The following SULT4A1 variants were observed in gnomAD, a reference collection of about 807,000 sequenced individuals.
SULT4A1 encodes sulfotransferase family 4A member 1, also known as sulfotransferase 4A1.
Under a neutral mutation model 35.2 loss-of-function variants are expected in SULT4A1, and 11 were observed. The ratio of observed to expected loss-of-function variants is 0.31; its 90% CI spans 0.20 to 0.52. The LOEUF is 0.52. Ranked by LOEUF, SULT4A1 falls within the 20% of genes least tolerant of loss-of-function variation. The pLI is 0.97. For synonymous variants in SULT4A1, 152 were observed against 151.8 expected (o/e 1.00, Z -0.01); for missense variants, 271 against 383.7 (o/e 0.71, Z 2.45).
chr22:43,851,836 T>C (rs999775469), intron 1 of SULT4A1, among the ~76,000 whole-genome samples: 6 of 152,204 alleles, frequency 3.9e-5, no homozygotes, highest in Non-Finnish European at 5.9e-5. Context: ...CCCAGTGTCA[T>C]GGACACCACC....
intron 1 of SULT4A1, 116 bp downstream of exon 1, chr22:43,862,098 G>C: frequency 2.8e-6 from 2 of 709,640 alleles, no homozygotes; most frequent in South Asian, 1.2e-4. Flanking sequence ...GGCAGGGGCG[G>C]AGGCCAAGGG....
intron 1 of SULT4A1, among the ~76,000 whole-genome samples, chr22:43,858,049 CAAAAA>C (rs11362056): frequency 2.2e-5 from 2 of 91,766 alleles, no homozygotes; most frequent in Admixed American, 1.3e-4. Flanking sequence ...GATCCTGTCT[CAAAAA>C]AAAAAAAAAA....
At chr22:43,832,470 G>A (rs933883947) in intron 5 of SULT4A1, among the ~76,000 whole-genome samples, 3 of 152,126 alleles carry the variant, frequency 2.0e-5, no homozygotes, top group African/African-American at 4.8e-5. Context: ...ACGCTCCTGC[G>A]AAGGCCGACC....
intron 1 of SULT4A1, among the ~76,000 whole-genome samples, chr22:43,860,379 G>A (rs2049452242): frequency 1.3e-5 from 2 of 152,208 alleles, no homozygotes; most frequent in African/African-American, 4.8e-5. Flanking sequence ...AGGTGTTCAG[G>A]GCTTAAAAGT....
chr22:43,847,838 C>A (rs2063486507), intron 1 of SULT4A1, among the ~76,000 whole-genome samples: 1 of 152,264 alleles, frequency 6.6e-6, no homozygotes, highest in Non-Finnish European at 1.5e-5. Flanking sequence ...GGGAACTGGT[C>A]TTAGTCACTG....
At chr22:43,859,887 G>A (rs540680612) in intron 1 of SULT4A1, among the ~76,000 whole-genome samples, 13 of 152,330 alleles carry the variant, frequency 8.5e-5, no homozygotes, top group African/African-American at 2.6e-4. Context: ...GTAAGCAGCC[G>A]CCTGTGGGCA....
At chr22:43,829,879 G>A (rs1313010664) in intron 5 of SULT4A1, among the ~76,000 whole-genome samples, 1 of 152,204 alleles carries the variant, frequency 6.6e-6, no homozygotes, top group Admixed American at 6.5e-5. Flanking sequence ...GCTGGAGGCT[G>A]TTTCCTCTCT....
chr22:43,850,264 G>A (rs945910214), intron 1 of SULT4A1, among the ~76,000 whole-genome samples: 4 of 152,190 alleles, frequency 2.6e-5, no homozygotes, highest in African/African-American at 4.8e-5. Flanking sequence ...CATTTTAGAT[G>A]GGCTAATGAT....
intron 1 of SULT4A1, among the ~76,000 whole-genome samples, chr22:43,855,982 A>T (rs766912430): frequency 2.0e-5 from 3 of 152,200 alleles, no homozygotes; most frequent in Admixed American, 6.5e-5. Flanking sequence ...TGCTGGTAAA[A>T]GCCAAGGGTG....
intron 1 of SULT4A1, among the ~76,000 whole-genome samples, chr22:43,851,647 C>T (rs1372511389): frequency 6.6e-6 from 1 of 152,188 alleles, no homozygotes; most frequent in African/African-American, 2.4e-5. Flanking sequence ...TCACAGGCAT[C>T]CTGAGAGCTG....
intron 1 of SULT4A1, among the ~76,000 whole-genome samples, chr22:43,850,417 T>C (rs1310599699): frequency 1.3e-5 from 2 of 152,222 alleles, no homozygotes; most frequent in African/African-American, 2.4e-5. Flanking sequence ...AGTGATTACA[T>C]TTCCTCTTCT....
rs563288910 is a variant in SULT4A1 at position 43,836,314 on chromosome 22, G to A, written c.508+2553C>T. Among the ~76,000 whole-genome samples the A allele has an allele frequency of 1.2e-4, 16 of 136,156 alleles. 1 individual carries two copies. Among genetic ancestry groups the A allele is most frequent in the Non-Finnish European group, 2.5e-4 (16 of 64,084 alleles). 89.3% of individuals were successfully genotyped at this position (136,156 alleles called of 152,430 possible). A position where few individuals can be genotyped will look rare whatever the true frequency, so the allele number is the denominator to read the frequency against. On this transcript the variant is annotated intron_variant, in intron 4 of 6. Transcript: ENST00000330884. ...GCCACAGGGACCCTGTCTACACAGC[G>A]TCCTCACACTGCAGGTGCCACAGGG...
At chr22:43,859,414 G>C (rs1393581081) in intron 1 of SULT4A1, among the ~76,000 whole-genome samples, 2 of 152,254 alleles carry the variant, frequency 1.3e-5, no homozygotes, top group Admixed American at 1.3e-4. Context: ...ACTCAGGGCA[G>C]TGGGTGCTCT....
At position 43,836,593 on chromosome 22, in the gene SULT4A1, C is replaced by G. The variant is rs2019157; in HGVS notation, c.508+2274G>C. On this transcript the variant is annotated intron_variant, in intron 4 of 6. Coordinates refer to ENST00000330884, the MANE Select transcript of SULT4A1 (RefSeq NM_014351.4). Reference sequence around the variant, plus strand: ...CCTCCAACTGCAGGTGCCACAGGGACCCTGTCTACACAGCGTCCTCACACT... The same window carrying G: ...CCTCCAACTGCAGGTGCCACAGGGAGCCTGTCTACACAGCGTCCTCACACT... Among the ~76,000 whole-genome samples the G allele has an allele frequency of 3.1e-3, 236 of 77,268 alleles. 5 individuals carry two copies. Among genetic ancestry groups the G allele is most frequent in the African/African-American group, 6.0e-3 (84 of 14,012 alleles). 50.7% of individuals were successfully genotyped at this position (77,268 alleles called of 152,430 possible).
At chr22:43,828,557 C>T (rs1016468621) in intron 6 of SULT4A1, among the ~76,000 whole-genome samples, 18 of 152,238 alleles carry the variant, frequency 1.2e-4, no homozygotes, top group African/African-American at 4.3e-4. Flanking sequence ...GTGCTGCCTG[C>T]ACCCAGAAGA....
chr22:43,854,822 C>G (rs1037657153), intron 1 of SULT4A1, among the ~76,000 whole-genome samples: 5 of 152,340 alleles, frequency 3.3e-5, no homozygotes, highest in Admixed American at 2.6e-4. Flanking sequence ...CTTCTTCCCC[C>G]CTTGCCTTCT....
intron 1 of SULT4A1, among the ~76,000 whole-genome samples, chr22:43,855,955 C>A (rs1266400128): frequency 1.3e-5 from 2 of 152,144 alleles, no homozygotes; most frequent in Non-Finnish European, 2.9e-5. Context: ...GAGAGGAATT[C>A]AGGTAAAATG....
chr22:43,856,532 C>G (rs908311583), intron 1 of SULT4A1, among the ~76,000 whole-genome samples: 15 of 152,150 alleles, frequency 9.9e-5, no homozygotes, highest in Non-Finnish European at 1.9e-4. Context: ...AACCCCAAAC[C>G]CTCCCTACCA....
chr22:43,855,368 T>C (rs1452163971), intron 1 of SULT4A1, among the ~76,000 whole-genome samples: 3 of 152,326 alleles, frequency 2.0e-5, no homozygotes, highest in Non-Finnish European at 4.4e-5. Context: ...TCCCTGGTTG[T>C]TCTGAGGCTT....
Sources: gnomAD v4.1 joint callset for allele counts (sites outside exome capture counted in the v4.1 genomes callset) on GRCh38, gnomAD v4.1.1 for gene constraint, MANE v1.5 for transcripts, NCBI Gene and HGNC (gene_info 2026-07-23, HGNC 2026-07-21) for gene names.